Variants in CYP2B6 observed in about 807,000 individuals in gnomAD.
CYP2B6 encodes the protein cytochrome P450 2B6.
In CYP2B6, 35 loss-of-function variants were observed where a neutral mutation model predicts 43.4. That is an observed-to-expected ratio of 0.81 (90% CI 0.62 to 1.07). CYP2B6 has a LOEUF of 1.07. Ranked by LOEUF, CYP2B6 falls within the 50% of genes least tolerant of loss-of-function variation. CYP2B6 has a pLI of 0.00. For missense variants in CYP2B6, 624 were observed against 632.8 expected, an observed-to-expected ratio of 0.99 and a Z score of 0.15; for synonymous variants, 239 against 239.2, an observed-to-expected ratio of 1.00 and a Z score of 0.01.
chr19:40,999,940 T>G (rs1447155881), intron 1 of CYP2B6, among the ~76,000 whole-genome samples: 2 of 152,166 alleles, frequency 1.3e-5, no homozygotes, highest in East Asian at 1.9e-4. Flanking sequence ...GCAATCCTCC[T>G]GCCTCAACCT....
At chr19:40,998,153 T>C (rs1365440490) in intron 1 of CYP2B6, among the ~76,000 whole-genome samples, 1 of 152,036 alleles carries the variant, frequency 6.6e-6, no homozygotes, top group Admixed American at 6.6e-5. Context: ...GGAACGTGTG[T>C]ATAGGTTTAA....
At position 40,991,357 on chromosome 19, in the gene CYP2B6, C is replaced by T. The variant is rs1201606999; in HGVS notation, c.52C>T (p.Leu18Phe). Residue 18 changes from leucine to phenylalanine, a missense_variant, in exon 1 of 9, where the codon CTC (leucine) becomes TTC (phenylalanine). By Grantham distance (22) the Leu-to-Phe change is conservative. Transcript: ENST00000324071. ...TGCACTCCTCACAGGACTCTTGCTA[C>T]TCCTGGTTCAGCGCCACCCTAACAC... is the stretch of plus-strand genomic sequence containing the variant. ...FLALLTGLLL[L>F]LVQRHPNTHD... 1.2e-6 allele frequency: 2 copies of T among 1,613,864 alleles called. No individual in the cohort carries two copies. Among genetic ancestry groups the T allele is most frequent in the Non-Finnish European group, 1.7e-6 (2 of 1,179,916 alleles).
Position 41,006,995 on chromosome 19 carries a change from A to G in CYP2B6, c.575A>G (p.Asp192Gly), listed in dbSNP as rs535715644. 1 of 1,613,908 alleles carries G rather than the reference A, an allele frequency of 6.2e-7. No individual in the cohort carries two copies. Among genetic ancestry groups the G allele is most frequent in the Non-Finnish European group, 8.5e-7 (1 of 1,180,014 alleles). Residue 192 changes from aspartate to glycine, a missense_variant, in exon 4 of 9, where the codon GAT (aspartate) becomes GGT (glycine). Physicochemically the swap from Asp to Gly is moderately conservative, Grantham distance 94 (BLOSUM62 -1). Transcript: ENST00000324071. ...TTTGGAAAACGATTCCACTACCAAG[A>G]TCAAGAGTTCCTGAAGATGCTGAAC... is the stretch of plus-strand genomic sequence containing the variant. ...IVFGKRFHYQ[D>G]QEFLKMLNLF...
rs143276579 is a variant in CYP2B6 at position 40,995,351 on chromosome 19, C to A, written c.171+3875C>A. On this transcript the variant is annotated intron_variant, in intron 1 of 8. Coordinates refer to ENST00000324071, the MANE Select transcript of CYP2B6 (RefSeq NM_000767.5). ...CAATGGAGAGATGTGGATCCAAGAT[C>A]CGAGACCCTGACATTTTGCTACAGA... 7.7e-3 allele frequency among the ~76,000 whole-genome samples: 1,176 copies of A among 152,218 alleles called. 12 individuals carry two copies. Among genetic ancestry groups the A allele is most frequent in the Middle Eastern group, 0.034 (10 of 292 alleles).
chr19:41,003,729 G>T (rs1310497569), intron 1 of CYP2B6, among the ~76,000 whole-genome samples: 2 of 152,108 alleles, frequency 1.3e-5, no homozygotes, highest in Non-Finnish European at 2.9e-5. Flanking sequence ...TTCAGTTTCT[G>T]TCTCCAGTGA....
chr19:40,992,019 T>C (rs1968927126), intron 1 of CYP2B6, among the ~76,000 whole-genome samples: 1 of 151,988 alleles, frequency 6.6e-6, no homozygotes, highest in South Asian at 2.1e-4. Context: ...CTGGCCAACA[T>C]GGTGAAACCT....
intron 4 of CYP2B6, among the ~76,000 whole-genome samples, chr19:41,008,891 T>C (rs1969234880): frequency 6.6e-6 from 1 of 150,574 alleles, no homozygotes; most frequent in South Asian, 2.1e-4. Flanking sequence ...GAGAGAAAAG[T>C]ATGAGAAAGA....
Position 41,016,834 on chromosome 19 carries a change from T to C in CYP2B6, c.*7T>C. The C allele has an allele frequency of 6.2e-7, 1 of 1,613,356 alleles. No homozygotes were observed. Among genetic ancestry groups the C allele is most frequent in the Non-Finnish European group, 8.5e-7 (1 of 1,179,552 alleles). ...CCGCTTCCTGCCCCGCTGAAGGGGC[T>C]GAGGGAAGGGGGTCAAAGGATTCCA... On this transcript the variant is annotated 3_prime_UTR_variant, in exon 9 of 9. Transcript: ENST00000324071.
chr19:41,006,510 T>C (rs12985269), intron 3 of CYP2B6, among the ~76,000 whole-genome samples: 8,073 of 151,760 alleles, frequency 0.053, 250 homozygotes, highest in Middle Eastern at 0.099. Context: ...CCAGCCCCTA[T>C]CCCTGGGATT....
rs749188589 is a variant in CYP2B6 at position 41,012,411 on chromosome 19, T to G, written c.1078T>G (p.Ser360Ala). 47 of 1,614,014 alleles carry G rather than the reference T, an allele frequency of 2.9e-5. No individual in the cohort carries two copies. The highest frequency in any genetic ancestry group is 3.7e-5 in the Non-Finnish European group (44 of 1,180,024). The change falls in exon 7 of 9, where the codon TCC (serine) becomes GCC (alanine). Residue 360 changes from serine to alanine, a missense_variant. Coordinates refer to ENST00000324071, the MANE Select transcript of CYP2B6 (RefSeq NM_000767.5). Reference sequence around the variant, plus strand: ...AGTCATCTATGAGATTCAGAGATTTTCCGACCTTCTCCCCATGGGTGTGCC... The same window carrying G: ...AGTCATCTATGAGATTCAGAGATTTGCCGACCTTCTCCCCATGGGTGTGCC... ...EAVIYEIQRF[S>A]DLLPMGVPHI...
chr19:41,004,500 A>C (rs1213784336), intron 3 of CYP2B6, 54 bp downstream of exon 3: 1 of 1,593,018 alleles, frequency 6.3e-7, no homozygotes, highest in African/African-American at 1.3e-5. Context: ...TGAGAGATGC[A>C]GGTGCACGGG....
intron 1 of CYP2B6, among the ~76,000 whole-genome samples, chr19:40,992,208 A>AG: frequency 6.6e-6 from 1 of 150,964 alleles, no homozygotes; most frequent in Non-Finnish European, 1.5e-5. Context: ...TCTCAAAAAA[A>AG]AAAAAAAAAA....
rs373559488 is a variant in CYP2B6, at chr19:41,010,093, C to A, written c.922C>A (p.Arg308Ser). ...AGTETTSTTL[R>S]YGFLLMLKYP... ...CACTGAGACCACCAGCACCACTCTC[C>A]GCTACGGCTTCCTGCTCATGCTCAA... Residue 308 changes from arginine (R) to serine (S), a missense_variant, in exon 6 of 9, where the codon CGC becomes AGC. Transcript: ENST00000324071. The A allele has an allele frequency of 1.9e-6, 3 of 1,614,020 alleles. No homozygotes were observed. Among genetic ancestry groups the A allele is most frequent in the Non-Finnish European group, 2.5e-6 (3 of 1,180,020 alleles).
At chr19:40,994,131 C>A (rs758634371) in intron 1 of CYP2B6, among the ~76,000 whole-genome samples, 8 of 152,042 alleles carry the variant, frequency 5.3e-5, no homozygotes, top group Non-Finnish European at 1.2e-4. Context: ...CAGAAACCAA[C>A]TTATCTTCGT....
intron 1 of CYP2B6, among the ~76,000 whole-genome samples, chr19:41,001,551 G>A (rs1341398138): frequency 2.6e-5 from 4 of 152,068 alleles, no homozygotes; most frequent in Non-Finnish European, 4.4e-5. Context: ...TTTCTCTTCC[G>A]TCAGTTAAGA....
chr19:41,016,567 T>C (rs1969370625), intron 8 of CYP2B6, 79 bp from the exon 9 acceptor site: 1 of 1,489,302 alleles, frequency 6.7e-7, no homozygotes, highest in Admixed American at 1.7e-5. Context: ...TGGACATTTG[T>C]GTCTGGGCTT....
At position 40,999,103 on chromosome 19, in the gene CYP2B6, T is replaced by G. The variant is rs1163315970; in HGVS notation, c.172-4898T>G. Among the ~76,000 whole-genome samples the G allele has an allele frequency of 4.6e-5, 7 of 150,832 alleles. No homozygotes were observed. The East Asian group carries it at 1.4e-3, about 29-fold the overall frequency. On this transcript the variant is annotated intron_variant, in intron 1 of 8. Coordinates refer to ENST00000324071, the MANE Select transcript of CYP2B6 (RefSeq NM_000767.5). ...CAGCACCTGTTGTTTCCTGACTTTTTAATGATTGCCATTCTAACTGGTGTG... is the reference window on the plus strand; with the variant it reads ...CAGCACCTGTTGTTTCCTGACTTTTGAATGATTGCCATTCTAACTGGTGTG...
In CYP2B6 at chr19:41,004,291, C is replaced by T. The variant is rs1261777756; in HGVS notation, c.335-6C>T. On this transcript the variant is annotated splice_polypyrimidine_tract_variant and splice_region_variant and intron_variant, in intron 2 of 8. Coordinates refer to ENST00000324071, the MANE Select transcript of CYP2B6 (RefSeq NM_000767.5). Reference sequence around the variant, plus strand: ...ACAACCAACCCACACCTCCCCTGCACCCCAGGTGTGATCTTTGCCAATGGA... The same window carrying T: ...ACAACCAACCCACACCTCCCCTGCATCCCAGGTGTGATCTTTGCCAATGGA... 1 of 1,613,896 alleles carries T rather than the reference C, an allele frequency of 6.2e-7. No individual in the cohort carries two copies. Among genetic ancestry groups the T allele is most frequent in the South Asian group, 1.1e-5 (1 of 91,062 alleles).
intron 3 of CYP2B6, among the ~76,000 whole-genome samples, chr19:41,005,009 A>C (rs1172815977): frequency 2.0e-5 from 3 of 152,150 alleles, no homozygotes; most frequent in Non-Finnish European, 2.9e-5. Context: ...ACAAACAAAC[A>C]AACCCTCAAA....
Sources: gnomAD v4.1 joint callset for allele counts (sites outside exome capture counted in the v4.1 genomes callset) on GRCh38, gnomAD v4.1.1 for gene constraint, MANE v1.5 for transcripts, NCBI Gene and HGNC (gene_info 2026-07-23, HGNC 2026-07-21) for gene names.